Variants in EXOC4 observed in about 807,000 individuals in gnomAD.
EXOC4 encodes exocyst complex component 4, also known as SEC8-like 1.
EXOC4 carries 71 observed loss-of-function variants against 107.2 expected under a neutral mutation model. That is an observed-to-expected ratio of 0.66 (90% CI 0.55 to 0.81). The LOEUF is 0.81. Among genes scored for constraint, EXOC4 ranks in the 30% least tolerant of loss-of-function variants. The probability of loss-of-function intolerance (pLI) is 0.00; values close to 1 mark genes in which losing one functional copy is unlikely to be tolerated. For missense variants in EXOC4, 1,108 were observed against 1,189.6 expected (o/e 0.93, Z 1.01); for synonymous variants, 456 against 441.2 (o/e 1.03, Z -0.42).
At chr7:133,374,607 A>G (rs552053113) in intron 6 of EXOC4, among the ~76,000 whole-genome samples, 1 of 152,206 alleles carries the variant, frequency 6.6e-6, no homozygotes, top group Non-Finnish European at 1.5e-5. Context: ...AAATTCTTAC[A>G]TCATTTACAT....
chr7:133,461,697 A>G (rs560683987), intron 7 of EXOC4, among the ~76,000 whole-genome samples: 2 of 152,326 alleles, frequency 1.3e-5, no homozygotes, highest in African/African-American at 4.8e-5. Context: ...AAATTAATGT[A>G]CCTCAAAAAG....
intron 13 of EXOC4, among the ~76,000 whole-genome samples, chr7:133,929,344 G>A (rs181732258): frequency 6.7e-5 from 10 of 150,036 alleles, no homozygotes; most frequent in African/African-American, 2.2e-4. Context: ...ATTTAACCAT[G>A]GGTAATTATT....
chr7:133,761,301 T>C (rs796359995), intron 10 of EXOC4, among the ~76,000 whole-genome samples: 2 of 152,258 alleles, frequency 1.3e-5, no homozygotes, highest in African/African-American at 4.8e-5. Context: ...CTATTTCTTC[T>C]AAAGTATCTG....
intron 9 of EXOC4, among the ~76,000 whole-genome samples, chr7:133,596,277 T>C (rs541849050): frequency 6.6e-6 from 1 of 152,226 alleles, no homozygotes; most frequent in Admixed American, 6.5e-5. Flanking sequence ...GATTTCTGGC[T>C]GTTTCTTTAT....
chr7:133,417,196 A>G (rs1300652299), intron 7 of EXOC4, among the ~76,000 whole-genome samples: 1 of 152,210 alleles, frequency 6.6e-6, no homozygotes, highest in African/African-American at 2.4e-5. Context: ...TTTATGGTTA[A>G]GTAATTCTTT....
intron 9 of EXOC4, among the ~76,000 whole-genome samples, chr7:133,625,016 TG>T (rs1245692902): frequency 2.0e-5 from 3 of 152,190 alleles, no homozygotes; most frequent in African/African-American, 4.8e-5. Context: ...TCCTGCTAAG[TG>T]TTCCCAGCAA....
chr7:133,397,055 C>T (rs968370389), intron 7 of EXOC4, among the ~76,000 whole-genome samples: 1 of 152,130 alleles, frequency 6.6e-6, no homozygotes, highest in Non-Finnish European at 1.5e-5. Context: ...GGAGCTGGTC[C>T]AGACAAAGCC....
intron 14 of EXOC4, among the ~76,000 whole-genome samples, chr7:133,986,391 G>T (rs1794114761): frequency 6.6e-6 from 1 of 152,176 alleles, no homozygotes. Context: ...TTGGAAGATG[G>T]GAAAGAACAA....
chr7:133,698,828 A>G (rs1447850947), intron 10 of EXOC4, among the ~76,000 whole-genome samples: 1 of 152,268 alleles, frequency 6.6e-6, no homozygotes, highest in East Asian at 1.9e-4. Flanking sequence ...TTGATGGTTA[A>G]TTTATTTGTG....
At chr7:133,884,581 CTGTGTGTG>C (rs34350149) in intron 11 of EXOC4, among the ~76,000 whole-genome samples, 15,189 of 143,666 alleles carry the variant, frequency 0.11, 826 homozygotes, top group African/African-American at 0.11. Context: ...GCCCTATGCT[CTGTGTGTG>C]TGTGTGTGTG....
chr7:133,415,761 T>C (rs776507230), intron 7 of EXOC4, among the ~76,000 whole-genome samples: 5 of 152,102 alleles, frequency 3.3e-5, no homozygotes, highest in African/African-American at 7.3e-5. Flanking sequence ...ACATAGCTGT[T>C]ATATTATTTT....
intron 3 of EXOC4, among the ~76,000 whole-genome samples, chr7:133,300,452 C>T (rs1794617403): frequency 6.6e-6 from 1 of 152,162 alleles, no homozygotes; most frequent in Non-Finnish European, 1.5e-5. Context: ...AGCCCTGACC[C>T]TTGAATGAAT....
chr7:133,605,863 C>G (rs908277923), intron 9 of EXOC4, among the ~76,000 whole-genome samples: 7 of 151,944 alleles, frequency 4.6e-5, no homozygotes, highest in African/African-American at 1.7e-4. Context: ...GGGAGTTGAG[C>G]CTGGGGGCAC....
At chr7:134,009,871 T>G (rs1470485587) in intron 17 of EXOC4, 2 of 152,150 alleles carry the variant, frequency 1.3e-5, no homozygotes, top group Non-Finnish European at 2.9e-5. Flanking sequence ...ATCTGAATAA[T>G]GCAATGCTGA....
intron 9 of EXOC4, among the ~76,000 whole-genome samples, chr7:133,568,565 C>T (rs568240922): frequency 2.0e-5 from 3 of 152,212 alleles, no homozygotes; most frequent in African/African-American, 7.2e-5. Context: ...TTCTGCCTTG[C>T]GTTTGTTTTA....
intron 9 of EXOC4, among the ~76,000 whole-genome samples, chr7:133,611,173 C>T (rs766727743): frequency 3.3e-5 from 5 of 151,946 alleles, no homozygotes; most frequent in African/African-American, 4.8e-5. Context: ...TGTTACTCCC[C>T]AAGAAAATAA....
At chr7:133,281,109 A>AC (rs372638460) in intron 2 of EXOC4, among the ~76,000 whole-genome samples, 2 of 151,958 alleles carry the variant, frequency 1.3e-5, no homozygotes, top group East Asian at 1.9e-4. Context: ...AGCTGAAAAA[A>AC]CCCGGGGAAA....
chr7:133,863,694 T>G (rs1798579894), intron 11 of EXOC4, among the ~76,000 whole-genome samples: 1 of 152,250 alleles, frequency 6.6e-6, no homozygotes, highest in Admixed American at 6.5e-5. Context: ...CTTTTCTGTT[T>G]ATATATTTTC....
chr7:133,287,534 C>T (rs1356234495), intron 2 of EXOC4, among the ~76,000 whole-genome samples: 2 of 151,836 alleles, frequency 1.3e-5, no homozygotes, highest in East Asian at 1.9e-4. Context: ...AGGATGGTCT[C>T]GATCTCCTGA....
Sources: gnomAD v4.1 joint callset for allele counts (sites outside exome capture counted in the v4.1 genomes callset) on GRCh38, gnomAD v4.1.1 for gene constraint, MANE v1.5 for transcripts, NCBI Gene and HGNC (gene_info 2026-07-23, HGNC 2026-07-21) for gene names.